Variants in D2HGDH observed in about 807,000 individuals in gnomAD.
The protein encoded by D2HGDH is D-2-hydroxyglutarate dehydrogenase, mitochondrial.
In D2HGDH, 31 loss-of-function variants were observed where a neutral mutation model predicts 46.9. The ratio of observed to expected loss-of-function variants is 0.66; its 90% CI spans 0.50 to 0.89. The LOEUF is 0.89. Among genes scored for constraint, D2HGDH ranks in the 40% least tolerant of loss-of-function variants. The pLI is 0.00. For missense variants in D2HGDH, 698 were observed against 720.8 expected, an observed-to-expected ratio of 0.97 and a Z score of 0.36; for synonymous variants, 364 against 332.6, an observed-to-expected ratio of 1.09 and a Z score of -1.03.
At chr2:241,752,927 C>A (rs2125147381) in intron 8 of D2HGDH, among the ~76,000 whole-genome samples, 1 of 149,000 alleles carries the variant, frequency 6.7e-6, no homozygotes, top group Non-Finnish European at 1.5e-5. Flanking sequence ...TGCACATCAT[C>A]CCCCACGCCA....
At position 241,760,025 on chromosome 2, in the gene D2HGDH, A is replaced by G. The variant is rs62192031; in HGVS notation, c.1306+4011A>G. 5.1e-3 allele frequency among the ~76,000 whole-genome samples: 776 copies of G among 150,778 alleles called. 2 individuals are homozygous for G. Among genetic ancestry groups the G allele is most frequent in the Middle Eastern group, 0.014 (4 of 284 alleles). ...CCACAGTGTGGGTGGGCCTTACCCA[A>G]TCAGTCGAAGGACTTCGCCACAGCG... On this transcript the variant is annotated intron_variant, in intron 9 of 9. Transcript: ENST00000321264.
intron 8 of D2HGDH, among the ~76,000 whole-genome samples, chr2:241,752,874 C>G (rs909267818): frequency 1.3e-5 from 2 of 148,486 alleles, no homozygotes; most frequent in Non-Finnish European, 3.0e-5. Context: ...TACCAGCCCC[C>G]ATGCCACCCC....
At chr2:241,749,524 GCCCC>G (rs1242338757) in intron 6 of D2HGDH, 2 of 479,676 alleles carry the variant, frequency 4.2e-6, no homozygotes, top group Non-Finnish European at 6.7e-6. Context: ...CTCACTGGTA[GCCCC>G]CACCAACCCT....
chr2:241,763,696 G>C (rs1699031334), intron 9 of D2HGDH, among the ~76,000 whole-genome samples: 1 of 152,108 alleles, frequency 6.6e-6, no homozygotes, highest in African/African-American at 2.4e-5. Flanking sequence ...CTGTGGTCCG[G>C]GGTTGGGTGA....
intron 9 of D2HGDH, among the ~76,000 whole-genome samples, chr2:241,762,857 G>A (rs1559400443): frequency 6.6e-6 from 1 of 152,172 alleles, no homozygotes; most frequent in African/African-American, 2.4e-5. Context: ...CACATGACAC[G>A]TTTGTGTTCT....
chr2:241,756,937 T>C (rs756870618), intron 9 of D2HGDH, among the ~76,000 whole-genome samples: 5 of 152,156 alleles, frequency 3.3e-5, no homozygotes, highest in Admixed American at 2.6e-4. Flanking sequence ...CTGACAGATA[T>C]TCACTCTGGC....
At position 241,755,178 on chromosome 2, in the gene D2HGDH, C is replaced by T. The variant is rs917539752; in HGVS notation, c.1141-671C>T. On this transcript the variant is annotated intron_variant, in intron 8 of 9. Coordinates refer to ENST00000321264, the MANE Select transcript of D2HGDH (RefSeq NM_152783.5). The stretch of plus-strand genomic sequence containing the variant: ...CTCCTCCTCAGAATCCTTCCTCCCC[C>T]GTGGCCCGCCCGCCGTGTCCCTCCT... The T allele has an allele frequency of 8.1e-5, 106 of 1,301,170 alleles. 1 individual carries two copies. Among genetic ancestry groups the T allele is most frequent in the Admixed American group, 2.8e-4 (12 of 43,254 alleles). 80.6% of individuals were successfully genotyped at this position (1,301,170 alleles called of 1,614,324 possible).
chr2:241,762,006 C>A (rs143975382), intron 9 of D2HGDH, among the ~76,000 whole-genome samples: 3,147 of 151,532 alleles, frequency 0.021, 104 homozygotes, highest in African/African-American at 0.069. Context: ...CAGTTCAGGG[C>A]AGTTCCCTTC....
chr2:241,747,029 G>A (rs1296307007), intron 6 of D2HGDH, among the ~76,000 whole-genome samples: 5 of 152,000 alleles, frequency 3.3e-5, no homozygotes, highest in Non-Finnish European at 7.3e-5. Context: ...GTGCAGTGGT[G>A]TGATCATAGC....
Position 241,743,830 on chromosome 2 carries a change from C to T in D2HGDH, c.684+15C>T. The stretch of plus-strand genomic sequence containing the variant: ...GCCTGGAAGTGGTGAGCTGGGGCAG[C>T]TGCTTGGTGCAGAGGTCGCCACGGG... On this transcript the variant is annotated intron_variant, in intron 5 of 9. Transcript: ENST00000321264. This position sits in a 1 kb window ranked among gnomAD's most constrained non-coding sequence, Gnocchi z 4.8. The T allele has an allele frequency of 6.3e-7, 1 of 1,586,690 alleles. No homozygotes were observed. Among genetic ancestry groups the T allele is most frequent in the Non-Finnish European group, 8.6e-7 (1 of 1,167,164 alleles).
intron 2 of D2HGDH, among the ~76,000 whole-genome samples, chr2:241,739,545 C>T (rs190009372): frequency 2.6e-4 from 39 of 152,370 alleles, no homozygotes; most frequent in South Asian, 1.7e-3. Flanking sequence ...CAGAGCTCCA[C>T]GAAGAGGTGA....
At position 241,735,455 on chromosome 2, in the gene D2HGDH, G is replaced by A. The variant is rs777210073; in HGVS notation, c.231G>A (p.Gly77=). 1.2e-6 allele frequency: 2 copies of A among 1,609,628 alleles called. No homozygotes were observed. The highest frequency in any genetic ancestry group is 1.7e-6 in the Non-Finnish European group (2 of 1,179,698). ...CCTTTGAGCGCATCGTGCCCGGCGG[G>A]GTCGTCACGGACCCGGAAGCGCTGC... ...LAAFERIVPG[G]VVTDPEALQA... is the part of the protein sequence containing the mutation. The change falls in exon 2 of 10, where the codon GGG becomes GGA. Residue 77 remains glycine, a synonymous_variant. Coordinates refer to ENST00000321264, the MANE Select transcript of D2HGDH (RefSeq NM_152783.5).
rs1006755049 is a variant in D2HGDH at position 241,763,537 on chromosome 2, G to A, written c.1307-4173G>A. On this transcript the variant is annotated intron_variant, in intron 9 of 9. Transcript: ENST00000321264. ...GGTTGCGAAGGCCTAGGAGATGACC[G>A]TACTCTACTCTAGACTTTATAAATG... Among the ~76,000 whole-genome samples the A allele has an allele frequency of 2.6e-5, 4 of 152,122 alleles. No homozygotes were observed. The South Asian group carries it at 6.2e-4, about 24-fold the overall frequency.
At position 241,743,371 on chromosome 2, in the gene D2HGDH, G is replaced by C. The variant is rs532034236; in HGVS notation, c.491-251G>C. On this transcript the variant is annotated intron_variant, in intron 4 of 9. Transcript: ENST00000321264. This position sits in a 1 kb window ranked among gnomAD's most constrained non-coding sequence, Gnocchi z 4.8. ...CTCCTTTCCACGAGTGTGTGTGGGGGTGGGAAGTTTTTTCCTCTCTTTTCA... is the reference window on the plus strand; with the variant it reads ...CTCCTTTCCACGAGTGTGTGTGGGGCTGGGAAGTTTTTTCCTCTCTTTTCA... Among the ~76,000 whole-genome samples, 2 of 152,360 alleles carry C rather than the reference G, an allele frequency of 1.3e-5. No individual in the cohort carries two copies. The highest frequency in any genetic ancestry group is 6.8e-3 in the Middle Eastern group (2 of 292).
intron 2 of D2HGDH, among the ~76,000 whole-genome samples, chr2:241,737,524 C>T (rs994266346): frequency 6.6e-6 from 1 of 152,004 alleles, no homozygotes; most frequent in Non-Finnish European, 1.5e-5. Flanking sequence ...GAGTCTTGCC[C>T]TGTCACTCAG....
At chr2:241,745,614 T>A (rs1428925930) in intron 6 of D2HGDH, among the ~76,000 whole-genome samples, 7 of 152,168 alleles carry the variant, frequency 4.6e-5, no homozygotes, top group Admixed American at 4.6e-4. Context: ...TGATGTGTGT[T>A]CCGTATTTTA....
intron 8 of D2HGDH, chr2:241,755,116 T>C (rs1447223005): frequency 3.8e-6 from 5 of 1,304,040 alleles, no homozygotes; most frequent in African/African-American, 1.5e-5. Flanking sequence ...AGCCCTAGGA[T>C]TTGGCCCGGT....
In D2HGDH at chr2:241,768,083, G is replaced by T; in HGVS notation, c.*114G>T. 1 of 1,418,408 alleles carries T rather than the reference G, an allele frequency of 7.1e-7. No homozygotes were observed. Among genetic ancestry groups the T allele is most frequent in the Non-Finnish European group, 9.4e-7 (1 of 1,069,458 alleles). 87.9% of individuals were successfully genotyped at this position (1,418,408 alleles called of 1,614,324 possible). A position where few individuals can be genotyped will look rare whatever the true frequency, so the allele number is the denominator to read the frequency against. ...GCAGTGGGCAGGGGACCAGGCACCT[G>T]GTTGAAGGGACTGGGAGCCCGCACT... On this transcript the variant is annotated 3_prime_UTR_variant, in exon 10 of 10. Coordinates refer to ENST00000321264, the MANE Select transcript of D2HGDH (RefSeq NM_152783.5).
intron 6 of D2HGDH, 154 bp from the exon 7 acceptor site, chr2:241,749,997 T>C: frequency 9.0e-7 from 1 of 1,114,532 alleles, no homozygotes. Flanking sequence ...AGGCAAACCC[T>C]GGGCTGTTTG....
Sources: gnomAD v4.1 joint callset for allele counts (sites outside exome capture counted in the v4.1 genomes callset) on GRCh38, gnomAD v4.1.1 for gene constraint, Gnocchi (gnomAD v3.1) non-coding constraint, MANE v1.5 for transcripts, NCBI Gene and HGNC (gene_info 2026-07-23, HGNC 2026-07-21) for gene names.